The following CACNA2D3 variants were observed in gnomAD, a reference collection of about 807,000 sequenced individuals.
CACNA2D3 encodes the protein calcium voltage-gated channel auxiliary subunit alpha2delta 3.
CACNA2D3 carries 60 observed loss-of-function variants against 160.6 expected under a neutral mutation model. The observed-to-expected ratio is 0.37, with a 90% CI of 0.30 to 0.46. The LOEUF (loss-of-function observed/expected upper bound fraction) is 0.46. Ranked by LOEUF, CACNA2D3 falls within the 20% of genes least tolerant of loss-of-function variation. The pLI is 1.00. For missense variants in CACNA2D3, 1,205 were observed against 1,365.0 expected (o/e 0.88, Z 1.85); for synonymous variants, 558 against 492.9 (o/e 1.13, Z -1.75).
intron 2 of CACNA2D3, among the ~76,000 whole-genome samples, chr3:54,217,417 A>G (rs1701482620): frequency 6.6e-6 from 1 of 152,214 alleles, no homozygotes; most frequent in South Asian, 2.1e-4. Context: ...GGAGATACCA[A>G]GTCCTAATCC....
At chr3:54,127,940 T>G (rs529599045) in intron 2 of CACNA2D3, among the ~76,000 whole-genome samples, 3 of 152,294 alleles carry the variant, frequency 2.0e-5, no homozygotes, top group African/African-American at 7.2e-5. Flanking sequence ...ACTTGTTTTT[T>G]TTCTCCTTAA....
At chr3:54,497,086 A>G (rs1292810201) in intron 4 of CACNA2D3, among the ~76,000 whole-genome samples, 1 of 152,088 alleles carries the variant, frequency 6.6e-6, no homozygotes, top group Non-Finnish European at 1.5e-5. Flanking sequence ...TGTTTTGAAA[A>G]TTGAGGTCTC....
rs182504829 is a variant in CACNA2D3, at chr3:54,130,955, C to T, written c.204+7361C>T. On this transcript the variant is annotated intron_variant, in intron 2 of 37. Coordinates refer to ENST00000474759, the MANE Select transcript of CACNA2D3 (RefSeq NM_018398.3). ...TAGTTTAACATTTCTGAACCTATAC[C>T]CTTAAATGAGAAAGGAGACCAGTAC... is the stretch of plus-strand genomic sequence containing the variant. Among the ~76,000 whole-genome samples, 10 of 152,270 alleles carry T rather than the reference C, an allele frequency of 6.6e-5. No homozygotes were observed. In the East Asian group the frequency reaches 1.5e-3, roughly 24 times the overall value.
At chr3:54,668,762 T>G (rs529175959) in intron 11 of CACNA2D3, among the ~76,000 whole-genome samples, 2 of 152,354 alleles carry the variant, frequency 1.3e-5, no homozygotes, top group East Asian at 3.9e-4. Context: ...TTTCTGCAAG[T>G]GTTCCTTCAA....
At chr3:54,154,934 G>C (rs1020429209) in intron 2 of CACNA2D3, among the ~76,000 whole-genome samples, 7 of 152,002 alleles carry the variant, frequency 4.6e-5, no homozygotes, top group African/African-American at 1.7e-4. Flanking sequence ...TCTATAAATT[G>C]ACTTACTTAA....
chr3:54,559,139 T>G (rs1702285076), intron 5 of CACNA2D3, among the ~76,000 whole-genome samples: 2 of 152,266 alleles, frequency 1.3e-5, no homozygotes, highest in South Asian at 4.1e-4. Flanking sequence ...TTGCTTAATG[T>G]GGCATCATTT....
intron 35 of CACNA2D3, among the ~76,000 whole-genome samples, chr3:55,025,709 G>C (rs566764620): frequency 4.3e-4 from 64 of 150,314 alleles, no homozygotes; most frequent in Admixed American, 1.5e-3. Context: ...GTCTGTTTTA[G>C]CTCTCTAATA....
chr3:54,814,720 AGGCCT>A (rs1182174546), intron 13 of CACNA2D3, among the ~76,000 whole-genome samples: 1 of 152,222 alleles, frequency 6.6e-6, no homozygotes, highest in Non-Finnish European at 1.5e-5. Flanking sequence ...ATCACCACAA[AGGCCT>A]GGTCTGTCAT....
At chr3:54,510,931 C>T (rs949990818) in intron 5 of CACNA2D3, among the ~76,000 whole-genome samples, 2 of 152,298 alleles carry the variant, frequency 1.3e-5, no homozygotes, top group Non-Finnish European at 2.9e-5. Context: ...GATGCTCTTC[C>T]CCAAGCCCAG....
Position 54,149,883 on chromosome 3 carries a change from G to GTCTCTC in CACNA2D3, c.204+26332_204+26337dup, listed in dbSNP as rs554851240. Among the ~76,000 whole-genome samples the GTCTCTC allele has an allele frequency of 5.1e-3, 311 of 60,710 alleles. 18 individuals carry two copies. Among genetic ancestry groups the GTCTCTC allele is most frequent in the Non-Finnish European group, 7.5e-3 (245 of 32,786 alleles). 39.8% of individuals were successfully genotyped at this position (60,710 alleles called of 152,430 possible). ...CAGAGAGGGCTGTCCTGAAGTATCT[G>GTCTCTC]TCTCTCTCTCTCTCTCTCTCTCTCT... On this transcript the variant is annotated intron_variant, in intron 2 of 37. Transcript: ENST00000474759.
chr3:54,338,198 A>G lies in CACNA2D3; in HGVS notation c.321+17640A>G, dbSNP rs1022002970. ...AATCACTGGCGCACAAAGGCGCTGC[A>G]GTAAGAAAACATTTGGGAACAATGT... On this transcript the variant is annotated intron_variant, in intron 3 of 37. Transcript: ENST00000474759. Among the ~76,000 whole-genome samples the G allele has an allele frequency of 2.0e-5, 3 of 152,272 alleles. 1 individual carries two copies. The South Asian group carries it at 6.2e-4, about 31-fold the overall frequency.
intron 4 of CACNA2D3, among the ~76,000 whole-genome samples, chr3:54,406,459 T>C (rs1247380447): frequency 6.6e-6 from 1 of 152,178 alleles, no homozygotes; most frequent in Admixed American, 6.5e-5. Flanking sequence ...ATATATACAA[T>C]GGAATATTAT....
At chr3:54,670,026 CAA>C (rs1700130016) in intron 11 of CACNA2D3, among the ~76,000 whole-genome samples, 1 of 152,140 alleles carries the variant, frequency 6.6e-6, no homozygotes, top group African/African-American at 2.4e-5. Context: ...ACTGAAACAA[CAA>C]AATGTCCAGT....
chr3:54,333,658 G>C (rs1290748167), intron 3 of CACNA2D3, among the ~76,000 whole-genome samples: 2 of 151,572 alleles, frequency 1.3e-5, no homozygotes, highest in African/African-American at 4.8e-5. Flanking sequence ...GGGAAGTGCA[G>C]CCGCCTCTAT....
intron 2 of CACNA2D3, among the ~76,000 whole-genome samples, chr3:54,182,891 C>T (rs944189520): frequency 2.0e-5 from 3 of 152,186 alleles, no homozygotes; most frequent in African/African-American, 7.2e-5. Context: ...ATTCAGTTAA[C>T]AAGCAGAGGA....
chr3:54,196,171 G>C (rs141113309), intron 2 of CACNA2D3, among the ~76,000 whole-genome samples: 13 of 152,256 alleles, frequency 8.5e-5, no homozygotes, highest in African/African-American at 2.9e-4. Flanking sequence ...ACTGAAATAC[G>C]TATTACTTTA....
At chr3:54,911,619 C>T (rs962360540) in intron 27 of CACNA2D3, among the ~76,000 whole-genome samples, 7 of 152,080 alleles carry the variant, frequency 4.6e-5, no homozygotes, top group African/African-American at 1.4e-4. Context: ...AGCACTTCCA[C>T]TGTTCCCTCA....
intron 13 of CACNA2D3, among the ~76,000 whole-genome samples, chr3:54,798,268 C>G (rs948442143): frequency 2.0e-5 from 3 of 152,050 alleles, no homozygotes; most frequent in African/African-American, 7.2e-5. Flanking sequence ...GGCATGGTGG[C>G]CCACACCTGT....
At chr3:54,916,710 G>A (rs979843628) in intron 27 of CACNA2D3, among the ~76,000 whole-genome samples, 8 of 152,082 alleles carry the variant, frequency 5.3e-5, no homozygotes, top group African/African-American at 1.9e-4. Context: ...GAAGTGATAG[G>A]TTCACCCGTT....
Sources: allele counts gnomAD v4.1 joint callset (sites outside exome capture counted in the v4.1 genomes callset), GRCh38; gene constraint gnomAD v4.1.1; transcripts MANE v1.5; gene names NCBI Gene and HGNC (gene_info 2026-07-23, HGNC 2026-07-21).